The following ANKRD12 variants were observed in gnomAD, a reference collection of about 807,000 sequenced individuals.
The protein encoded by ANKRD12 is ankyrin repeat domain-containing protein 12.
A neutral mutation model predicts 183.4 loss-of-function variants in ANKRD12; 85 were observed. The ratio of observed to expected loss-of-function variants is 0.46; its 90% CI spans 0.39 to 0.56. The LOEUF is 0.56. ANKRD12 is among the 20% of genes least tolerant of loss of function. The pLI, the probability that ANKRD12 is intolerant of heterozygous loss-of-function variation, is 0.00. For missense variants in ANKRD12, 2,405 were observed against 2,357.1 expected, an observed-to-expected ratio of 1.02 and a Z score of -0.42; for synonymous variants, 914 against 800.2, an observed-to-expected ratio of 1.14 and a Z score of -2.40.
intron 3 of ANKRD12, among the ~76,000 whole-genome samples, chr18:9,201,228 TTTG>T (rs2035146546): frequency 1.3e-5 from 2 of 152,224 alleles, no homozygotes; most frequent in African/African-American, 4.8e-5. Flanking sequence ...ACTGATAACT[TTTG>T]TTATCTTTAA....
At chr18:9,154,447 G>A (rs2030077549) in intron 1 of ANKRD12, among the ~76,000 whole-genome samples, 1 of 152,060 alleles carries the variant, frequency 6.6e-6, no homozygotes, top group Admixed American at 6.6e-5. Context: ...TCCAAGTCAG[G>A]TGCAGAAGCA....
intron 7 of ANKRD12, among the ~76,000 whole-genome samples, chr18:9,220,354 G>A (rs1402934578): frequency 1.3e-5 from 2 of 152,168 alleles, no homozygotes; most frequent in Admixed American, 6.5e-5. Flanking sequence ...GTCCAAGGGG[G>A]GAAATGTGTT....
intron 1 of ANKRD12, among the ~76,000 whole-genome samples, chr18:9,150,971 A>G (rs546510356): frequency 6.6e-5 from 10 of 152,140 alleles, no homozygotes; most frequent in Admixed American, 2.6e-4. Context: ...GATTAAAAAA[A>G]AAATGATGCT....
chr18:9,214,019 G>A (rs2035952437), intron 6 of ANKRD12, among the ~76,000 whole-genome samples: 1 of 151,872 alleles, frequency 6.6e-6, no homozygotes, highest in South Asian at 2.1e-4. Flanking sequence ...TAGCACAGTG[G>A]AAATACTGTT....
At chr18:9,239,650 T>A (rs1422601335) in intron 8 of ANKRD12, 1 of 464,322 alleles carries the variant, frequency 2.2e-6, no homozygotes, top group East Asian at 7.4e-5. Flanking sequence ...CTTGTTAGAT[T>A]TAACTGTACC....
chr18:9,187,260 A>C (rs1050850208), intron 2 of ANKRD12, among the ~76,000 whole-genome samples: 1 of 152,146 alleles, frequency 6.6e-6, no homozygotes, highest in Non-Finnish European at 1.5e-5. Flanking sequence ...CTCTACCAAA[A>C]AAAAAAAATT....
At chr18:9,247,340 G>A (rs546107727) in intron 8 of ANKRD12, among the ~76,000 whole-genome samples, 5 of 151,178 alleles carry the variant, frequency 3.3e-5, no homozygotes, top group East Asian at 3.9e-4. Context: ...TGGCCTGGAT[G>A]TGGTGGTGTG....
rs1274917713 is a variant in ANKRD12 at position 9,275,439 on chromosome 18, C to T, written c.5764-85C>T. The stretch of plus-strand genomic sequence containing the variant: ...AGTGAGCTGTGATCACACCACTGCA[C>T]TCCAGCCTAGGCGAGAGAGTAAGAC... On this transcript the variant is annotated intron_variant, in intron 10 of 12. Transcript: ENST00000262126. 6 of 1,308,726 alleles carry T rather than the reference C, an allele frequency of 4.6e-6. No individual in the cohort carries two copies. The African/African-American group carries it at 7.3e-5, about 16-fold the overall frequency. 81.1% of individuals were successfully genotyped at this position (1,308,726 alleles called of 1,614,324 possible).
chr18:9,243,220 C>T (rs1469131937), intron 8 of ANKRD12, among the ~76,000 whole-genome samples: 1 of 152,150 alleles, frequency 6.6e-6, no homozygotes, highest in African/African-American at 2.4e-5. Context: ...AACAAAGGAG[C>T]CACTCAATAG....
At chr18:9,158,354 C>A (rs2030909725) in intron 1 of ANKRD12, among the ~76,000 whole-genome samples, 2 of 152,176 alleles carry the variant, frequency 1.3e-5, no homozygotes, top group African/African-American at 4.8e-5. Flanking sequence ...AAGGTCCCAT[C>A]CAGGATACCG....
At chr18:9,222,090 A>T in intron 8 of ANKRD12, 91 bp downstream of exon 8, 1 of 1,418,062 alleles carries the variant, frequency 7.1e-7, no homozygotes, top group Non-Finnish European at 9.7e-7. Context: ...AAAATGTTTG[A>T]ATACTTTAGA....
intron 8 of ANKRD12, among the ~76,000 whole-genome samples, chr18:9,222,365 C>G (rs889794602): frequency 6.6e-6 from 1 of 151,978 alleles, no homozygotes; most frequent in Non-Finnish European, 1.5e-5. Context: ...CACTTCATGT[C>G]TTTTTCCGGT....
At position 9,281,275 on chromosome 18, in the gene ANKRD12, T is replaced by G. The variant is rs1320835020; in HGVS notation, c.*149T>G. ...GGTTATGTAGTAAACACTGTCATTT[T>G]ATAAAAAATGAGAATTATTTTGGAT... On this transcript the variant is annotated 3_prime_UTR_variant, in exon 13 of 13. Coordinates refer to ENST00000262126, the MANE Select transcript of ANKRD12 (RefSeq NM_015208.5). The G allele has an allele frequency of 1.8e-6, 1 of 564,764 alleles. No homozygotes were observed. The highest frequency in any genetic ancestry group is 2.0e-5 in the African/African-American group (1 of 50,962). 35.0% of individuals were successfully genotyped at this position (564,764 alleles called of 1,614,324 possible).
Position 9,147,622 on chromosome 18 carries a change from C to T in ANKRD12, c.-52+10657C>T, listed in dbSNP as rs73390133. 9.2e-3 allele frequency among the ~76,000 whole-genome samples: 1,399 copies of T among 152,108 alleles called. 29 individuals are homozygous for T. The highest frequency in any genetic ancestry group is 0.032 in the African/African-American group (1,309 of 41,484). ...CTTCCATCTTAAGTCTGTTGCACAT[C>T]GTATATAGTAGTGAGAGCAGTGTGA... On this transcript the variant is annotated intron_variant, in intron 1 of 12. Coordinates refer to ENST00000262126, the MANE Select transcript of ANKRD12 (RefSeq NM_015208.5).
intron 1 of ANKRD12, among the ~76,000 whole-genome samples, chr18:9,178,343 C>CTCTCTCTCTCTCTCTCTCTT (rs35964343): frequency 6.6e-6 from 1 of 150,998 alleles, no homozygotes; most frequent in African/African-American, 2.4e-5. Context: ...CTCTCTCTCT[C>CTCTCTCTCTCTCTCTCTCTT]GTTTTTTGCA....
chr18:9,198,373 G>T (rs1314128092), intron 3 of ANKRD12, among the ~76,000 whole-genome samples: 1 of 152,116 alleles, frequency 6.6e-6, no homozygotes, highest in Non-Finnish European at 1.5e-5. Context: ...ACAATTTATG[G>T]TGAATGACAA....
chr18:9,179,752 A>G (rs893060583), intron 1 of ANKRD12, among the ~76,000 whole-genome samples: 3 of 152,192 alleles, frequency 2.0e-5, no homozygotes, highest in Non-Finnish European at 4.4e-5. Context: ...TTTTAGGCTC[A>G]AGCTGTCTGC....
intron 10 of ANKRD12, 24 bp downstream of exon 10, chr18:9,263,912 T>G (rs758184894): frequency 7.4e-7 from 1 of 1,351,744 alleles, no homozygotes; most frequent in Non-Finnish European, 1.0e-6. Context: ...AAATTTACAC[T>G]TATGCTAAAA....
chr18:9,215,549 A>G (rs1567925608), intron 6 of ANKRD12, among the ~76,000 whole-genome samples: 1 of 152,104 alleles, frequency 6.6e-6, no homozygotes, highest in Admixed American at 6.6e-5. Context: ...CCAGCCTCTA[A>G]TTAGAGGGTC....
Sources: gnomAD v4.1 joint callset for allele counts (sites outside exome capture counted in the v4.1 genomes callset) on GRCh38, gnomAD v4.1.1 for gene constraint, MANE v1.5 for transcripts, NCBI Gene and HGNC (gene_info 2026-07-23, HGNC 2026-07-21) for gene names.